DZIP3: variants seen among roughly 807,000 people sequenced by gnomAD.
DZIP3 encodes DAZ interacting zinc finger protein 3, also known as E3 ubiquitin-protein ligase DZIP3.
A neutral mutation model predicts 162.0 loss-of-function variants in DZIP3; 118 were observed. The observed-to-expected ratio is 0.73, with a 90% CI of 0.63 to 0.85. DZIP3 has a LOEUF of 0.85. Among genes scored for constraint, DZIP3 ranks in the 40% least tolerant of loss-of-function variants. The pLI is 0.00. For missense variants in DZIP3, 1,331 were observed against 1,407.0 expected (o/e 0.95, Z 0.86); for synonymous variants, 438 against 458.6 (o/e 0.96, Z 0.57).
At chr3:108,593,744 C>T (rs1281157469) in intron 1 of DZIP3, among the ~76,000 whole-genome samples, 2 of 149,708 alleles carry the variant, frequency 1.3e-5, no homozygotes, top group South Asian at 2.1e-4. Context: ...GGCATGATCA[C>T]GGCTCATTGC....
chr3:108,662,346 A>G (rs1298217202), intron 21 of DZIP3, 89 bp downstream of exon 21: 1 of 1,425,260 alleles, frequency 7.0e-7, no homozygotes, highest in Non-Finnish European at 9.3e-7. Context: ...ACTAGGTGGC[A>G]CTGTGACTAC....
chr3:108,611,334 C>G lies in DZIP3; in HGVS notation c.258+5C>G. On this transcript the variant is annotated splice_donor_5th_base_variant and intron_variant, in intron 4 of 32. Transcript: ENST00000361582. ...TTTTCCTTCCAAACTATGCAGGTAA[C>G]GTCATAAGTTGTTATTTGGGGCAGA... 4.3e-6 allele frequency: 7 copies of G among 1,610,010 alleles called. No individual in the cohort carries two copies. Among genetic ancestry groups the G allele is most frequent in the Non-Finnish European group, 5.9e-6 (7 of 1,178,566 alleles).
intron 1 of DZIP3, among the ~76,000 whole-genome samples, chr3:108,590,951 C>T (rs952609115): frequency 6.6e-6 from 1 of 152,136 alleles, no homozygotes; most frequent in African/African-American, 2.4e-5. Flanking sequence ...ATGCAACTTA[C>T]ATTTTGGTAG....
Position 108,659,110 on chromosome 3 carries a change from G to A in DZIP3, c.2200-2767G>A, listed in dbSNP as rs187558490. Among the ~76,000 whole-genome samples the A allele has an allele frequency of 4.7e-3, 720 of 152,276 alleles. 3 individuals are homozygous for A. The highest frequency in any genetic ancestry group is 0.016 in the African/African-American group (657 of 41,558). On this transcript the variant is annotated intron_variant, in intron 19 of 32. Coordinates refer to ENST00000361582, the MANE Select transcript of DZIP3 (RefSeq NM_014648.4). ...CCTTCCGAAACTATTCCAATCAATA[G>A]AAAAAGAGGGAATCCTCCCTAACTT...
intron 10 of DZIP3, 75 bp from the exon 11 acceptor site, chr3:108,636,541 A>G (rs1358445261): frequency 1.0e-6 from 1 of 993,418 alleles, no homozygotes; most frequent in Non-Finnish European, 1.5e-6. Context: ...TTCTAACTAC[A>G]TTTATTTAAA....
intron 1 of DZIP3, among the ~76,000 whole-genome samples, chr3:108,597,452 A>G (rs951298676): frequency 1.3e-5 from 2 of 152,040 alleles, no homozygotes; most frequent in African/African-American, 4.8e-5. Context: ...AGTGTTAAGT[A>G]TAAGTAGAGT....
chr3:108,603,150 G>T (rs562662355), intron 1 of DZIP3: 1 of 152,140 alleles, frequency 6.6e-6, no homozygotes. Flanking sequence ...CTTAGCAGAG[G>T]GGGAGGACTC....
chr3:108,616,882 T>C (rs1471286193), intron 5 of DZIP3, among the ~76,000 whole-genome samples: 1 of 152,176 alleles, frequency 6.6e-6, no homozygotes, highest in East Asian at 1.9e-4. Context: ...TGTGACTGGC[T>C]CTGTAATAAG....
chr3:108,655,516 G>C (rs1008615451), intron 19 of DZIP3, among the ~76,000 whole-genome samples: 1 of 152,132 alleles, frequency 6.6e-6, no homozygotes, highest in Non-Finnish European at 1.5e-5. Context: ...TAAGTGGGGG[G>C]TGGAGCCAAG....
chr3:108,608,669 A>G (rs966747445), intron 3 of DZIP3, among the ~76,000 whole-genome samples: 6 of 152,300 alleles, frequency 3.9e-5, no homozygotes, highest in African/African-American at 1.4e-4. Flanking sequence ...TACCAGTGAT[A>G]TACTTTTATG....
At chr3:108,640,491 G>T (rs1365378571) in intron 12 of DZIP3, among the ~76,000 whole-genome samples, 1 of 145,904 alleles carries the variant, frequency 6.9e-6, no homozygotes, top group African/African-American at 2.6e-5. Context: ...TGTCACCCAG[G>T]TTGGAGTGCA....
chr3:108,658,639 TC>T (rs1334514908), intron 19 of DZIP3, among the ~76,000 whole-genome samples: 1 of 151,864 alleles, frequency 6.6e-6, no homozygotes, highest in African/African-American at 2.4e-5. Flanking sequence ...ATAACTAAGA[TC>T]AGAGCAGAAC....
At chr3:108,663,270 C>T (rs1444755386) in intron 21 of DZIP3, among the ~76,000 whole-genome samples, 2 of 152,096 alleles carry the variant, frequency 1.3e-5, no homozygotes, top group Admixed American at 6.6e-5. Flanking sequence ...AGAAACTTTA[C>T]TTTAGGCCGG....
In DZIP3 at chr3:108,615,186, C is replaced by G. The variant is rs75665861; in HGVS notation, c.259-1355C>G. Among the ~76,000 whole-genome samples the G allele has an allele frequency of 4.3e-3, 652 of 152,316 alleles. 7 individuals are homozygous for G. The highest frequency in any genetic ancestry group is 0.015 in the African/African-American group (622 of 41,556). ...AGTCAGCTCTCCAGAGATTGCCTTT[C>G]AGAGGTTTTTATTTTCATTGTGTTA... On this transcript the variant is annotated intron_variant, in intron 4 of 32. Coordinates refer to ENST00000361582, the MANE Select transcript of DZIP3 (RefSeq NM_014648.4).
intron 6 of DZIP3, among the ~76,000 whole-genome samples, chr3:108,624,770 G>A (rs186215738): frequency 6.3e-4 from 95 of 151,316 alleles, no homozygotes; most frequent in South Asian, 1.3e-3. Flanking sequence ...GGTTTTAATC[G>A]TATCCCTTTT....
At position 108,636,725 on chromosome 3, in the gene DZIP3, GT is replaced by G. The variant is rs755011209; in HGVS notation, c.1011+18del. On this transcript the variant is annotated intron_variant, in intron 11 of 32. Transcript: ENST00000361582. ...AAAATTTTGGTGAGTATCTTGTTTTGTCCTTTTTTTTTTTTCTTGCTTTCCT... is the reference window on the plus strand; with the variant it reads ...AAAATTTTGGTGAGTATCTTGTTTTGCCTTTTTTTTTTTTCTTGCTTTCCT... The G allele has an allele frequency of 2.9e-6, 4 of 1,378,364 alleles. No homozygotes were observed. Among genetic ancestry groups the G allele is most frequent in the Admixed American group, 6.3e-5 (2 of 31,510 alleles). The allele number at this position is 1,378,364 out of a possible 1,614,324, so 85.4% of individuals were successfully genotyped here. A position where few individuals can be genotyped will look rare whatever the true frequency, so the allele number is the denominator to read the frequency against.
intron 1 of DZIP3, among the ~76,000 whole-genome samples, chr3:108,603,808 A>G (rs1041560772): frequency 4.6e-5 from 7 of 152,180 alleles, no homozygotes; most frequent in African/African-American, 1.4e-4. Context: ...TGGTATCATA[A>G]TTAGGAATAC....
At position 108,614,722 on chromosome 3, in the gene DZIP3, T is replaced by G. The variant is rs147331013; in HGVS notation, c.259-1819T>G. Among the ~76,000 whole-genome samples the G allele has an allele frequency of 2.6e-5, 4 of 152,284 alleles. No individual in the cohort carries two copies. In the East Asian group the frequency reaches 5.8e-4, roughly 22 times the overall value. On this transcript the variant is annotated intron_variant, in intron 4 of 32. Coordinates refer to ENST00000361582, the MANE Select transcript of DZIP3 (RefSeq NM_014648.4). ...ATCACCCCAGAAAGCACTCAATCAG[T>G]AGGTCTTGGGAGTTATTATATGAAT...
intron 19 of DZIP3, among the ~76,000 whole-genome samples, chr3:108,659,074 C>A (rs1172941324): frequency 6.6e-6 from 1 of 152,168 alleles, no homozygotes; most frequent in East Asian, 1.9e-4. Context: ...CAAGGAGGAG[C>A]TGGTACCATT....
Sources: gnomAD v4.1 joint callset for allele counts (sites outside exome capture counted in the v4.1 genomes callset) on GRCh38, gnomAD v4.1.1 for gene constraint, MANE v1.5 for transcripts, NCBI Gene and HGNC (gene_info 2026-07-23, HGNC 2026-07-21) for gene names.